Variants in CNTN5 observed in about 807,000 individuals in gnomAD.
CNTN5 encodes contactin 5.
CNTN5 carries 77 observed loss-of-function variants against 129.1 expected under a neutral mutation model. The ratio of observed to expected loss-of-function variants is 0.60; its 90% CI spans 0.50 to 0.72. The LOEUF (loss-of-function observed/expected upper bound fraction) is 0.72, where lower values mean the gene tolerates loss of function less well. Among genes scored for constraint, CNTN5 ranks in the 30% least tolerant of loss-of-function variants. CNTN5 has a pLI of 0.00. For missense variants in CNTN5, 1,478 were observed against 1,328.8 expected (o/e 1.11, Z -1.75); for synonymous variants, 509 against 465.6 (o/e 1.09, Z -1.20).
intron 3 of CNTN5, among the ~76,000 whole-genome samples, chr11:99,649,541 A>G (rs1489773841): frequency 2.0e-5 from 3 of 151,864 alleles, no homozygotes; most frequent in African/African-American, 7.2e-5. Context: ...CTGAAAGAAA[A>G]TATTTTTTGG....
chr11:100,153,259 A>T (rs1286833496), intron 13 of CNTN5, among the ~76,000 whole-genome samples: 2 of 152,126 alleles, frequency 1.3e-5, no homozygotes, highest in Non-Finnish European at 2.9e-5. Flanking sequence ...CTGCGCAATC[A>T]GTTAAAAATC....
intron 13 of CNTN5, among the ~76,000 whole-genome samples, chr11:100,157,022 T>C (rs2138338810): frequency 6.6e-6 from 1 of 152,192 alleles, no homozygotes; most frequent in Non-Finnish European, 1.5e-5. Flanking sequence ...AGTTATTTCT[T>C]GTCTTCTGCT....
At chr11:99,866,856 A>G (rs1449191469) in intron 6 of CNTN5, among the ~76,000 whole-genome samples, 1 of 152,220 alleles carries the variant, frequency 6.6e-6, no homozygotes, top group Non-Finnish European at 1.5e-5. Context: ...CATTATAGTC[A>G]GTACTTACCA....
At chr11:100,256,519 G>A (rs753714141) in intron 17 of CNTN5, among the ~76,000 whole-genome samples, 8 of 152,248 alleles carry the variant, frequency 5.3e-5, no homozygotes, top group Middle Eastern at 3.4e-3. Flanking sequence ...CAAGATGGCT[G>A]AATAGGAATA....
At chr11:99,680,291 C>G (rs1348374582) in intron 3 of CNTN5, among the ~76,000 whole-genome samples, 1 of 152,106 alleles carries the variant, frequency 6.6e-6, no homozygotes, top group Non-Finnish European at 1.5e-5. Context: ...GAAATCGATG[C>G]CTGGCTTCAA....
chr11:99,820,695 T>A (rs1053483215), intron 4 of CNTN5, among the ~76,000 whole-genome samples: 1 of 152,232 alleles, frequency 6.6e-6, no homozygotes, highest in African/African-American at 2.4e-5. Flanking sequence ...CTGCCTTCTA[T>A]AGAAATGAAA....
At position 99,281,740 on chromosome 11, in the gene CNTN5, C is replaced by T. The variant is rs555969224; in HGVS notation, c.-209-43606C>T. Among the ~76,000 whole-genome samples the T allele has an allele frequency of 7.9e-5, 12 of 151,820 alleles. No homozygotes were observed. In the East Asian group the frequency reaches 2.3e-3, roughly 29 times the overall value. ...AAGATATTGAATTTTCTTCTGAGTA[C>T]AGTTTATATGTTTTGTTGACTAATA... On this transcript the variant is annotated intron_variant, in intron 1 of 24. Transcript: ENST00000524871.
intron 3 of CNTN5, among the ~76,000 whole-genome samples, chr11:99,777,716 TG>T (rs1945173607): frequency 1.3e-5 from 2 of 151,826 alleles, no homozygotes; most frequent in African/African-American, 4.8e-5. Context: ...AAACCTCAGG[TG>T]TAACAGAGTT....
intron 2 of CNTN5, among the ~76,000 whole-genome samples, chr11:99,455,631 G>A (rs985688127): frequency 9.9e-5 from 15 of 152,212 alleles, no homozygotes; most frequent in African/African-American, 3.6e-4. Context: ...CAATACTGAA[G>A]TCACTTTAAT....
At chr11:99,336,221 T>A (rs553690785) in intron 2 of CNTN5, among the ~76,000 whole-genome samples, 2 of 152,110 alleles carry the variant, frequency 1.3e-5, no homozygotes, top group African/African-American at 4.8e-5. Flanking sequence ...AATTGTCAAA[T>A]TGGTTAAGAG....
At chr11:99,629,717 A>T (rs551977437) in intron 3 of CNTN5, among the ~76,000 whole-genome samples, 1 of 152,042 alleles carries the variant, frequency 6.6e-6, no homozygotes, top group African/African-American at 2.4e-5. Flanking sequence ...TGACACAATT[A>T]TACAGAGCCT....
chr11:99,878,287 A>G (rs1205211840), intron 6 of CNTN5, among the ~76,000 whole-genome samples: 2 of 152,048 alleles, frequency 1.3e-5, no homozygotes, highest in Non-Finnish European at 2.9e-5. Flanking sequence ...TTTTTCTTTT[A>G]CACTACTTCT....
At chr11:99,537,304 G>T (rs940742239) in intron 2 of CNTN5, among the ~76,000 whole-genome samples, 1 of 152,004 alleles carries the variant, frequency 6.6e-6, no homozygotes. Flanking sequence ...TCCTCATTTC[G>T]CAAGCAAATA....
chr11:99,829,344 T>C (rs2135598130), intron 4 of CNTN5, among the ~76,000 whole-genome samples: 1 of 152,332 alleles, frequency 6.6e-6, no homozygotes, highest in South Asian at 2.1e-4. Context: ...TGTGGACTGG[T>C]CCATACTAGG....
chr11:100,227,971 A>G (rs1260301223), intron 16 of CNTN5, among the ~76,000 whole-genome samples: 11 of 151,276 alleles, frequency 7.3e-5, no homozygotes, highest in Non-Finnish European at 1.3e-4. Context: ...AGAAAGGAAT[A>G]TTAGTTTTTT....
intron 3 of CNTN5, among the ~76,000 whole-genome samples, chr11:99,684,622 CTT>C (rs1213895500): frequency 2.6e-5 from 4 of 151,824 alleles, no homozygotes; most frequent in Non-Finnish European, 5.9e-5. Flanking sequence ...ATTGATAAAA[CTT>C]TTACATTCCC....
At chr11:99,975,477 C>T (rs1184000984) in intron 8 of CNTN5, among the ~76,000 whole-genome samples, 1 of 151,978 alleles carries the variant, frequency 6.6e-6, no homozygotes, top group African/African-American at 2.4e-5. Flanking sequence ...TTGTATTAGC[C>T]CATTCTCACA....
intron 3 of CNTN5, among the ~76,000 whole-genome samples, chr11:99,787,291 A>G (rs913126790): frequency 1.1e-4 from 16 of 151,782 alleles, no homozygotes; most frequent in African/African-American, 3.4e-4. Flanking sequence ...TTAACCAAAA[A>G]CAGTATTTTT....
At chr11:99,329,851 TG>T (rs1488802451) in intron 2 of CNTN5, among the ~76,000 whole-genome samples, 1 of 151,866 alleles carries the variant, frequency 6.6e-6, no homozygotes, top group East Asian at 1.9e-4. Flanking sequence ...ATCTCATTTT[TG>T]TAAGGGTGCA....
Sources: gnomAD v4.1 joint callset for allele counts (sites outside exome capture counted in the v4.1 genomes callset) on GRCh38, gnomAD v4.1.1 for gene constraint, MANE v1.5 for transcripts, NCBI Gene and HGNC (gene_info 2026-07-23, HGNC 2026-07-21) for gene names.